The following ILDR1 variants were observed in gnomAD, a reference collection of about 807,000 sequenced individuals.
ILDR1 encodes immunoglobulin-like domain-containing receptor 1.
A neutral mutation model predicts 62.4 loss-of-function variants in ILDR1; 56 were observed. The ratio of observed to expected loss-of-function variants is 0.90; its 90% CI spans 0.72 to 1.12. ILDR1 has a LOEUF of 1.12. Ranked by LOEUF, ILDR1 falls within the 50% of genes most tolerant of loss-of-function variation. ILDR1 has a pLI of 0.00. For synonymous variants in ILDR1, 284 were observed against 277.8 expected, an observed-to-expected ratio of 1.02 and a Z score of -0.22; for missense variants, 736 against 710.6, an observed-to-expected ratio of 1.04 and a Z score of -0.41.
chr3:122,024,635 C>A (rs550882442), upstream of ILDR1, among the ~76,000 whole-genome samples: 5 of 152,284 alleles, frequency 3.3e-5, no homozygotes, highest in East Asian at 9.6e-4. Context: ...GTTCTTAGTG[C>A]TTCACATGCT....
At chr3:122,055,568 T>G in the ILDR1 span, 1 of 1,432,990 alleles carries the variant, frequency 7.0e-7, no homozygotes, top group Non-Finnish European at 9.8e-7. Flanking sequence ...AAGGCTGAGG[T>G]TGAAGATGGT....
At chr3:122,002,274 C>G (rs2071539819) in intron 3 of ILDR1, among the ~76,000 whole-genome samples, 1 of 152,190 alleles carries the variant, frequency 6.6e-6, no homozygotes, top group Non-Finnish European at 1.5e-5. Context: ...AAAATCAAGA[C>G]TCAAAGGAAC....
upstream of ILDR1, among the ~76,000 whole-genome samples, chr3:122,023,288 TGACCTTTTGCTTTGCAAA>T (rs2071891934): frequency 6.6e-6 from 1 of 152,218 alleles, no homozygotes; most frequent in African/African-American, 2.4e-5. Context: ...ATCAAGGTTT[TGACCTTTTGCTTTGCAAA>T]GACTTTAGGT....
the ILDR1 span, among the ~76,000 whole-genome samples, chr3:122,045,032 C>T: frequency 1.3e-5 from 2 of 151,706 alleles, no homozygotes; most frequent in Non-Finnish European, 2.9e-5. Context: ...TTGGATGTTT[C>T]CTGCTTTCTC....
At chr3:122,049,247 T>C in the ILDR1 span, among the ~76,000 whole-genome samples, 1 of 152,216 alleles carries the variant, frequency 6.6e-6, no homozygotes, top group African/African-American at 2.4e-5. Context: ...AGGTACTTGG[T>C]ATTATTTCAA....
At position 121,988,408 on chromosome 3, in the gene ILDR1, C is replaced by T. The variant is rs2071285035; in HGVS notation, c.1600G>A (p.Glu534Lys). 1 of 1,613,042 alleles carries T rather than the reference C, an allele frequency of 6.2e-7. No homozygotes were observed. The highest frequency in any genetic ancestry group is 1.7e-5 in the Admixed American group (1 of 59,992). Residue 534 changes from glutamate (E) to lysine (K), a missense_variant and splice_region_variant, in exon 8 of 8, where the codon GAG (glutamate) becomes AAG (lysine). Transcript: ENST00000344209. ...RKKGSVERRS[E>K]KDSSHSGRSV... ...CTTCCACTATGAGAGCTGTCTTTCT[C>T]CTGGGAAATAGAAGAATACACACAC...
At chr3:122,007,850 C>T (rs906504366) in intron 1 of ILDR1, among the ~76,000 whole-genome samples, 2 of 152,192 alleles carry the variant, frequency 1.3e-5, no homozygotes, top group African/African-American at 4.8e-5. Context: ...TGTCTGTAAC[C>T]CTACCTTCTC....
Position 122,007,095 on chromosome 3 carries a change from A to G in ILDR1, c.125T>C (p.Ile42Thr), listed in dbSNP as rs758312781. 3.1e-6 allele frequency: 5 copies of G among 1,614,156 alleles called. No homozygotes were observed. Among genetic ancestry groups the G allele is most frequent in the Non-Finnish European group, 4.2e-6 (5 of 1,180,014 alleles). Reference protein sequence around the residue: ...ERYVTLFASIILKCDYTTSAQ... With the variant: ...ERYVTLFASITLKCDYTTSAQ... ...AGAGGTGGTGTAGTCACATTTGAGG[A>G]TGATAGAGGCAAACAGGGTGACATA... Residue 42 changes from isoleucine to threonine, a missense_variant, in exon 2 of 8, where the codon ATC becomes ACC. Coordinates refer to ENST00000344209, the MANE Select transcript of ILDR1 (RefSeq NM_001199799.2).
intron 3 of ILDR1, among the ~76,000 whole-genome samples, chr3:122,004,194 C>T (rs1384975420): frequency 6.6e-6 from 1 of 152,100 alleles, no homozygotes; most frequent in Non-Finnish European, 1.5e-5. Context: ...TTCCCTTTTT[C>T]CCCTTTTAAC....
chr3:122,042,982 T>C, the ILDR1 span, among the ~76,000 whole-genome samples: 1 of 148,922 alleles, frequency 6.7e-6, no homozygotes, highest in African/African-American at 2.5e-5. Context: ...GGACATGAAG[T>C]CCTTGCCCAT....
intron 1 of ILDR1, among the ~76,000 whole-genome samples, chr3:122,020,099 T>C (rs1360726482): frequency 6.6e-6 from 1 of 152,218 alleles, no homozygotes; most frequent in Non-Finnish European, 1.5e-5. Flanking sequence ...TCACATTTCT[T>C]AGCCATAGGG....
intron 1 of ILDR1, among the ~76,000 whole-genome samples, chr3:122,010,223 A>C (rs926438329): frequency 3.3e-5 from 5 of 152,148 alleles, no homozygotes; most frequent in African/African-American, 1.2e-4. Flanking sequence ...TGGAAAACAG[A>C]GAAGATAAAT....
intron 3 of ILDR1, among the ~76,000 whole-genome samples, chr3:122,003,812 A>G (rs2071563896): frequency 6.6e-6 from 1 of 152,106 alleles, no homozygotes; most frequent in Non-Finnish European, 1.5e-5. Context: ...AGCAGGGACT[A>G]GCTACTATGG....
In ILDR1 at chr3:122,007,711, C is replaced by T. The variant is rs371677423; in HGVS notation, c.59-550G>A. On this transcript the variant is annotated intron_variant, in intron 1 of 7. Transcript: ENST00000344209. ...TTCTCTTCTCCAGGTGCAGCTCTTT[C>T]AGCCTGGAGCACTCTTCCACATCAC... is the stretch of plus-strand genomic sequence containing the variant. Among the ~76,000 whole-genome samples the T allele has an allele frequency of 2.6e-5, 4 of 152,150 alleles. No homozygotes were observed. The East Asian group carries it at 5.8e-4, about 22-fold the overall frequency.
chr3:122,001,128 G>T (rs1242240179), intron 5 of ILDR1, among the ~76,000 whole-genome samples, 180 bp downstream of exon 5: 6 of 152,156 alleles, frequency 3.9e-5, no homozygotes, highest in Admixed American at 3.9e-4. Context: ...CCTTCCATGT[G>T]GCTACCTAGC....
chr3:122,060,958 A>G, the ILDR1 span, among the ~76,000 whole-genome samples: 24 of 152,234 alleles, frequency 1.6e-4, no homozygotes, highest in Admixed American at 1.2e-3. Flanking sequence ...AGTTTGGAAT[A>G]GAGAAGTATT....
At chr3:121,995,552 CA>C in intron 5 of ILDR1, among the ~76,000 whole-genome samples, 1 of 152,246 alleles carries the variant, frequency 6.6e-6, no homozygotes, top group African/African-American at 2.4e-5. Flanking sequence ...TCCGGAGCTC[CA>C]ACCCTCAGTG....
the ILDR1 span, among the ~76,000 whole-genome samples, chr3:122,044,409 T>C: frequency 9.7e-5 from 14 of 144,248 alleles, no homozygotes; most frequent in African/African-American, 2.9e-4. Flanking sequence ...CCGGCTTTGG[T>C]ATCAGAATGA....
At chr3:122,001,591 G>T (rs539036232) in intron 4 of ILDR1, 137 bp from the exon 5 acceptor site, 3 of 1,473,676 alleles carry the variant, frequency 2.0e-6, no homozygotes, top group South Asian at 2.3e-5. Context: ...TGGCAAAAAG[G>T]TAAAAGTTTA....
Sources: gnomAD v4.1 joint callset for allele counts (sites outside exome capture counted in the v4.1 genomes callset) on GRCh38, gnomAD v4.1.1 for gene constraint, MANE v1.5 for transcripts, NCBI Gene and HGNC (gene_info 2026-07-23, HGNC 2026-07-21) for gene names.